The following UCHL5 variants were observed in gnomAD, a reference collection of about 807,000 sequenced individuals.
The protein encoded by UCHL5 is ubiquitin C-terminal hydrolase L5.
Under a neutral mutation model 53.8 loss-of-function variants are expected in UCHL5, and 34 were observed. The ratio of observed to expected loss-of-function variants is 0.63; its 90% confidence interval spans 0.48 to 0.84. UCHL5 has a LOEUF of 0.84. Among genes scored for constraint, UCHL5 ranks in the 40% least tolerant of loss-of-function variants. The probability of loss-of-function intolerance (pLI) is 0.00; values close to 1 mark genes in which losing one functional copy is unlikely to be tolerated. For missense variants in UCHL5, 290 were observed against 385.6 expected, an observed-to-expected ratio of 0.75 and a Z score of 2.08; for synonymous variants, 111 against 126.3, an observed-to-expected ratio of 0.88 and a Z score of 0.81.
intron 3 of UCHL5, among the ~76,000 whole-genome samples, chr1:193,040,560 T>G (rs953463176): frequency 6.6e-6 from 1 of 152,116 alleles, no homozygotes; most frequent in Non-Finnish European, 1.5e-5. Flanking sequence ...TAAATTAGTA[T>G]AGCTACTATG....
At chr1:193,029,770 T>C (rs1660686688) in intron 3 of UCHL5, 113 bp from the exon 4 acceptor site, 2 of 860,452 alleles carry the variant, frequency 2.3e-6, no homozygotes, top group South Asian at 4.0e-5. Flanking sequence ...TTTTATGAAG[T>C]CTCAGCATAA....
Position 193,016,341 on chromosome 1 carries a change from G to C in UCHL5, c.*10C>G. ...CAGAAGCAGAAATGTGTACATATCT[G>C]AAAACATCTTCATTTGGTTTCCTGA... On this transcript the variant is annotated 3_prime_UTR_variant, in exon 11 of 11. Coordinates refer to ENST00000367454, the MANE Select transcript of UCHL5 (RefSeq NM_001199261.3). 1 of 1,603,866 alleles carries C rather than the reference G, an allele frequency of 6.2e-7. No homozygotes were observed. The highest frequency in any genetic ancestry group is 8.5e-7 in the Non-Finnish European group (1 of 1,176,862).
At chr1:193,024,870 T>G (rs1420865913) in intron 7 of UCHL5, among the ~76,000 whole-genome samples, 1 of 152,118 alleles carries the variant, frequency 6.6e-6, no homozygotes, top group Non-Finnish European at 1.5e-5. Context: ...ACTATAGTAA[T>G]TTGAACTATG....
intron 3 of UCHL5, among the ~76,000 whole-genome samples, chr1:193,037,377 G>A (rs1207532222): frequency 6.6e-6 from 1 of 151,714 alleles, no homozygotes; most frequent in Non-Finnish European, 1.5e-5. Context: ...CAAAAAAATT[G>A]GAAAACCTAG....
chr1:193,059,215 C>A lies in UCHL5; in HGVS notation c.46G>T (p.Gly16Trp). 6.2e-7 allele frequency: 1 copy of A among 1,613,996 alleles called. No individual in the cohort carries two copies. The highest frequency in any genetic ancestry group is 8.5e-7 in the Non-Finnish European group (1 of 1,179,980). Residue 16 changes from glycine (G) to tryptophan (W), a missense_variant, in exon 1 of 11, where the codon GGG (glycine) becomes TGG (tryptophan). Physicochemically the swap from Gly to Trp is radical, Grantham distance 184. Transcript: ENST00000367454. The surrounding 1 kb of genome is among the most constrained non-coding windows in gnomAD (Gnocchi z 4.9). ...GEWCLMESDP[G>W]VFTELIKGFG... is the part of the protein sequence containing the mutation. ...CCTTTAATGAGCTCGGTGAAGACCC[C>A]GGGGTCGCTTTCCATGAGGCACCAC...
chr1:193,040,019 A>G (rs762405108), intron 3 of UCHL5, among the ~76,000 whole-genome samples: 4 of 152,206 alleles, frequency 2.6e-5, no homozygotes, highest in Admixed American at 1.3e-4. Flanking sequence ...AGACTTAAAT[A>G]TAAGACTTGA....
chr1:193,033,464 C>T (rs539801375), intron 3 of UCHL5, among the ~76,000 whole-genome samples: 2 of 151,930 alleles, frequency 1.3e-5, no homozygotes, highest in South Asian at 2.1e-4. Flanking sequence ...GACCATGGCA[C>T]GTGTATACCT....
chr1:193,039,433 A>G (rs1664777971), intron 3 of UCHL5, among the ~76,000 whole-genome samples: 1 of 152,112 alleles, frequency 6.6e-6, no homozygotes, highest in Non-Finnish European at 1.5e-5. Context: ...AATCTAAAAT[A>G]CCTAAGAATC....
chr1:193,042,852 G>C (rs567721376), intron 3 of UCHL5, among the ~76,000 whole-genome samples: 15 of 152,244 alleles, frequency 9.9e-5, no homozygotes, highest in African/African-American at 3.4e-4. Flanking sequence ...CTGTAGGCTA[G>C]AGTACATAAA....
intron 3 of UCHL5, among the ~76,000 whole-genome samples, chr1:193,043,656 A>C (rs1299302270): frequency 2.0e-5 from 3 of 152,184 alleles, no homozygotes; most frequent in Non-Finnish European, 4.4e-5. Context: ...GTATTGGGTC[A>C]AGATTATCAG....
intron 3 of UCHL5, among the ~76,000 whole-genome samples, chr1:193,031,242 A>G (rs1232944451): frequency 6.6e-6 from 1 of 152,146 alleles, no homozygotes; most frequent in Non-Finnish European, 1.5e-5. Context: ...GCACAGTGGG[A>G]GGAGTAAAGT....
rs563065716 is a variant in UCHL5, at chr1:193,020,423, C to T, written c.942+674G>A. On this transcript the variant is annotated intron_variant, in intron 10 of 10. Coordinates refer to ENST00000367454, the MANE Select transcript of UCHL5 (RefSeq NM_001199261.3). ...AGTTGCATTAGAATCACTTGGGGAA[C>T]TTATTAAAGAATCCTTCCCCTATAT... 1.8e-4 allele frequency: 284 copies of T among 1,545,464 alleles called. 1 individual carries two copies. In the African/African-American group the frequency reaches 3.7e-3, roughly 20 times the overall value.
chr1:193,029,803 C>A lies in UCHL5; in HGVS notation c.247-146G>T. 2 of 686,112 alleles carry A rather than the reference C, an allele frequency of 2.9e-6. 1 individual carries two copies. Among genetic ancestry groups the A allele is most frequent in the South Asian group, 5.4e-5 (2 of 36,958 alleles). The allele number at this position is 686,112 out of a possible 1,614,324, so 42.5% of individuals were successfully genotyped here. On this transcript the variant is annotated intron_variant, in intron 3 of 10. Coordinates refer to ENST00000367454, the MANE Select transcript of UCHL5 (RefSeq NM_001199261.3). ...TAAACAGAATAAATATGTTTAATTT[C>A]TATCCTAATCTATTTTCAGAAATTT...
At chr1:193,039,372 A>G (rs941395030) in intron 3 of UCHL5, among the ~76,000 whole-genome samples, 8 of 152,280 alleles carry the variant, frequency 5.3e-5, no homozygotes, top group African/African-American at 1.9e-4. Flanking sequence ...TCGTGCCACT[A>G]CATTCCAGCC....
intron 9 of UCHL5, among the ~76,000 whole-genome samples, chr1:193,022,343 G>A (rs1201333807): frequency 6.6e-6 from 1 of 152,050 alleles, no homozygotes; most frequent in African/African-American, 2.4e-5. Context: ...CTTACACTGA[G>A]GTTCAAATGA....
intron 3 of UCHL5, among the ~76,000 whole-genome samples, chr1:193,042,560 T>C (rs1441870932): frequency 6.6e-6 from 1 of 152,196 alleles, no homozygotes; most frequent in Non-Finnish European, 1.5e-5. Context: ...AAGGTGGTAA[T>C]ACTTTATCTC....
intron 3 of UCHL5, among the ~76,000 whole-genome samples, chr1:193,044,534 A>G (rs1666750904): frequency 1.3e-5 from 2 of 152,076 alleles, no homozygotes; most frequent in African/African-American, 4.8e-5. Context: ...TTATTAACCA[A>G]TGATACACAG....
At position 193,052,889 on chromosome 1, in the gene UCHL5, G is replaced by A. The variant is rs187601243; in HGVS notation, c.77-1072C>T. On this transcript the variant is annotated intron_variant, in intron 1 of 10. Coordinates refer to ENST00000367454, the MANE Select transcript of UCHL5 (RefSeq NM_001199261.3). ...CCACATCAGGTTTCAAAGTCTGGGC[G>A]CTTTCTAATTTTTCATATGATTTTC... 3.7e-3 allele frequency among the ~76,000 whole-genome samples: 564 copies of A among 152,164 alleles called. 4 individuals are homozygous for A. Among genetic ancestry groups the A allele is most frequent in the African/African-American group, 0.013 (542 of 41,500 alleles).
chr1:193,054,673 G>C (rs56856436), intron 1 of UCHL5, among the ~76,000 whole-genome samples: 374 of 152,184 alleles, frequency 2.5e-3, no homozygotes, highest in African/African-American at 8.7e-3. Context: ...GCTTCCAGGG[G>C]CACCATATGC....
Sources: allele counts gnomAD v4.1 joint callset (sites outside exome capture counted in the v4.1 genomes callset), GRCh38; gene constraint gnomAD v4.1.1; non-coding constraint Gnocchi (gnomAD v3.1); transcripts MANE v1.5; gene names NCBI Gene and HGNC (gene_info 2026-07-23, HGNC 2026-07-21).